The following GRK5 variants were observed in gnomAD, a reference collection of about 807,000 sequenced individuals.
The protein encoded by GRK5 is g protein-coupled receptor kinase GRK5.
GRK5 carries 40 observed loss-of-function variants against 78.4 expected under a neutral mutation model. The observed-to-expected ratio is 0.51, with a 90% CI of 0.40 to 0.66. The LOEUF (loss-of-function observed/expected upper bound fraction) is 0.66. Ranked by LOEUF, GRK5 falls within the 30% of genes least tolerant of loss-of-function variation. GRK5 has a pLI of 0.00. For missense variants in GRK5, 598 were observed against 759.9 expected, an observed-to-expected ratio of 0.79 and a Z score of 2.50; for synonymous variants, 289 against 296.8, an observed-to-expected ratio of 0.97 and a Z score of 0.27.
chr10:119,346,333 C>T (rs1851092975), intron 2 of GRK5, among the ~76,000 whole-genome samples: 1 of 152,226 alleles, frequency 6.6e-6, no homozygotes, highest in African/African-American at 2.4e-5. Flanking sequence ...TATAGCTCAC[C>T]CCCTAGCCTG....
chr10:119,311,088 G>C (rs978526956), intron 1 of GRK5, among the ~76,000 whole-genome samples: 1 of 152,198 alleles, frequency 6.6e-6, no homozygotes, highest in Non-Finnish European at 1.5e-5. Context: ...TTTCAGAGCA[G>C]AAAATGGAGG....
rs118146770 is a variant in GRK5 at position 119,333,871 on chromosome 10, A to G, written c.148+7260A>G. 1,061 of 530,716 alleles carry G rather than the reference A, an allele frequency of 2.0e-3. 7 individuals carry two copies. The highest frequency in any genetic ancestry group is 2.8e-3 in the Non-Finnish European group (727 of 259,612). The allele number at this position is 530,716 out of a possible 1,614,324, so 32.9% of individuals were successfully genotyped here. On this transcript the variant is annotated intron_variant, in intron 2 of 15. Transcript: ENST00000392870. ...ACAAATCAAGAAAGTTCCACAGGGT[A>G]TGGAGCAGGTTGCTGAGCTGCAGAA... is the stretch of plus-strand genomic sequence containing the variant.
intron 1 of GRK5, among the ~76,000 whole-genome samples, chr10:119,272,569 C>T: frequency 1.3e-5 from 1 of 75,256 alleles, no homozygotes; most frequent in South Asian, 6.5e-4. Context: ...GAGCAAGATT[C>T]TATCTCAAAA....
intron 3 of GRK5, among the ~76,000 whole-genome samples, chr10:119,382,379 T>A (rs528372906): frequency 1.3e-5 from 2 of 152,202 alleles, no homozygotes; most frequent in African/African-American, 4.8e-5. Context: ...ACCAATTAAT[T>A]TGAATCTCTG....
intron 1 of GRK5, among the ~76,000 whole-genome samples, chr10:119,236,860 G>A (rs1848942435): frequency 6.6e-6 from 1 of 151,800 alleles, no homozygotes; most frequent in African/African-American, 2.4e-5. Flanking sequence ...TCGAACTCCT[G>A]ACCTCAGGTG....
chr10:119,240,310 C>T (rs1376157594), intron 1 of GRK5, among the ~76,000 whole-genome samples: 23 of 147,066 alleles, frequency 1.6e-4, no homozygotes, highest in African/African-American at 5.8e-4. Flanking sequence ...ATGCCATTCT[C>T]CTGCCTCAGC....
chr10:119,239,541 T>G (rs1282493065), intron 1 of GRK5, among the ~76,000 whole-genome samples: 1 of 152,116 alleles, frequency 6.6e-6, no homozygotes, highest in South Asian at 2.1e-4. Flanking sequence ...AGGCCTGGTT[T>G]ATTATTATAT....
intron 4 of GRK5, 88 bp downstream of exon 4, chr10:119,396,860 G>A: frequency 9.9e-7 from 1 of 1,005,278 alleles, no homozygotes; most frequent in Non-Finnish European, 1.6e-6. Flanking sequence ...GGCCACATGG[G>A]GAGCTGTTAA....
chr10:119,449,281 C>T (rs1424856989), intron 13 of GRK5, among the ~76,000 whole-genome samples: 1 of 152,232 alleles, frequency 6.6e-6, no homozygotes, highest in African/African-American at 2.4e-5. Flanking sequence ...TTATCACTTA[C>T]CAGTACCGCC....
Position 119,377,002 on chromosome 10 carries a change from G to A in GRK5, c.149-3813G>A, listed in dbSNP as rs184646089. Among the ~76,000 whole-genome samples, 22 of 152,290 alleles carry A rather than the reference G, an allele frequency of 1.4e-4. No homozygotes were observed. The East Asian group carries it at 2.5e-3, about 17-fold the overall frequency. ...CGCGTGCGTGTGTGTATGTGCGTGC[G>A]TGTGTGTGGACAGTGTGTGTGTGCC... On this transcript the variant is annotated intron_variant, in intron 2 of 15. Transcript: ENST00000392870.
intron 1 of GRK5, among the ~76,000 whole-genome samples, chr10:119,276,078 T>TA: frequency 6.6e-6 from 1 of 152,204 alleles, no homozygotes; most frequent in East Asian, 1.9e-4. Context: ...GTTTTGATTG[T>TA]AAAGGCATGC....
chr10:119,296,936 C>T (rs569896935), intron 1 of GRK5, among the ~76,000 whole-genome samples: 66 of 152,086 alleles, frequency 4.3e-4, no homozygotes, highest in Admixed American at 5.2e-4. Flanking sequence ...TGGGCAGCCA[C>T]CTGACCTGTG....
intron 1 of GRK5, among the ~76,000 whole-genome samples, chr10:119,249,278 C>A (rs200883304): frequency 0.016 from 2,409 of 150,306 alleles, 40 homozygotes; most frequent in Admixed American, 0.037. Flanking sequence ...TCTCAAAAAA[C>A]AAAAAACGAA....
chr10:119,356,770 C>T (rs1409666005), intron 2 of GRK5, among the ~76,000 whole-genome samples: 1 of 152,242 alleles, frequency 6.6e-6, no homozygotes, highest in Non-Finnish European at 1.5e-5. Flanking sequence ...CAGTCTCTAG[C>T]AGGCTCAGCC....
At chr10:119,437,969 G>A (rs961216207) in intron 9 of GRK5, among the ~76,000 whole-genome samples, 10 of 152,174 alleles carry the variant, frequency 6.6e-5, no homozygotes, top group South Asian at 4.1e-4. Flanking sequence ...GCGGTGGCAC[G>A]CGCCTGTAGT....
chr10:119,317,575 G>A (rs1353298111), intron 1 of GRK5, among the ~76,000 whole-genome samples: 1 of 152,096 alleles, frequency 6.6e-6, no homozygotes. Context: ...GGCCTCATAC[G>A]GTTTGCCCTG....
At chr10:119,254,723 A>T (rs1849253369) in intron 1 of GRK5, among the ~76,000 whole-genome samples, 1 of 152,144 alleles carries the variant, frequency 6.6e-6, no homozygotes, top group South Asian at 2.1e-4. Flanking sequence ...ATATCAAAAC[A>T]GGGACCTTGG....
chr10:119,242,851 TC>T (rs1240322364), intron 1 of GRK5, among the ~76,000 whole-genome samples: 1 of 151,338 alleles, frequency 6.6e-6, no homozygotes, highest in East Asian at 1.9e-4. Context: ...TTTCCTGAGC[TC>T]CCCCCGCCCC....
chr10:119,383,143 G>A (rs953805205), intron 3 of GRK5, among the ~76,000 whole-genome samples: 6 of 152,100 alleles, frequency 3.9e-5, no homozygotes, highest in Non-Finnish European at 8.8e-5. Context: ...GGATGGTCTC[G>A]ATCTCCTGAC....
Sources: gnomAD v4.1 joint callset for allele counts (sites outside exome capture counted in the v4.1 genomes callset) on GRCh38, gnomAD v4.1.1 for gene constraint, MANE v1.5 for transcripts, NCBI Gene and HGNC (gene_info 2026-07-23, HGNC 2026-07-21) for gene names.